The following KCNIP4 variants were observed in gnomAD, a reference collection of about 807,000 sequenced individuals.
The protein encoded by KCNIP4 is Kv channel-interacting protein 4.
KCNIP4 carries 12 observed loss-of-function variants against 34.0 expected under a neutral mutation model. The observed-to-expected ratio is 0.35, with a 90% CI of 0.23 to 0.57. The LOEUF is 0.57. Among genes scored for constraint, KCNIP4 ranks in the 20% least tolerant of loss-of-function variants. The probability of loss-of-function intolerance (pLI) is 0.83; values close to 1 mark genes in which losing one functional copy is unlikely to be tolerated. For missense variants in KCNIP4, 238 were observed against 311.7 expected (o/e 0.76, Z 1.78); for synonymous variants, 124 against 102.2 (o/e 1.21, Z -1.29).
intron 1 of KCNIP4, among the ~76,000 whole-genome samples, chr4:21,900,060 C>T (rs1196290698): frequency 3.3e-5 from 5 of 152,066 alleles, no homozygotes; most frequent in Non-Finnish European, 7.4e-5. Flanking sequence ...CTAGCAGACA[C>T]ATAGACCTAT....
At chr4:21,366,564 G>C (rs970117451) in intron 1 of KCNIP4, among the ~76,000 whole-genome samples, 9 of 152,192 alleles carry the variant, frequency 5.9e-5, no homozygotes, top group East Asian at 1.9e-4. Context: ...ACTTGGGCTA[G>C]CTAGCTCAAG....
intron 1 of KCNIP4, among the ~76,000 whole-genome samples, chr4:21,603,901 T>C (rs1323174866): frequency 6.6e-6 from 1 of 152,164 alleles, no homozygotes; most frequent in African/African-American, 2.4e-5. Flanking sequence ...AAATTTAATC[T>C]AGTAGACTGA....
intron 1 of KCNIP4, among the ~76,000 whole-genome samples, chr4:21,181,330 A>G (rs1461567449): frequency 6.6e-6 from 1 of 152,146 alleles, no homozygotes; most frequent in Non-Finnish European, 1.5e-5. Context: ...GGAAGCTAAA[A>G]AATAGTCATT....
At chr4:20,809,711 T>C (rs1335941608) in intron 3 of KCNIP4, among the ~76,000 whole-genome samples, 3 of 152,210 alleles carry the variant, frequency 2.0e-5, no homozygotes, top group African/African-American at 7.2e-5. Flanking sequence ...GTAATAAACT[T>C]ACTCTCTTGT....
intron 1 of KCNIP4, among the ~76,000 whole-genome samples, chr4:21,587,731 G>T (rs981306376): frequency 4.6e-5 from 7 of 152,060 alleles, no homozygotes; most frequent in African/African-American, 1.7e-4. Context: ...CATTGTGTTT[G>T]CCATGTTCAT....
intron 1 of KCNIP4, among the ~76,000 whole-genome samples, chr4:21,785,571 C>A (rs59570585): frequency 0.12 from 18,261 of 150,300 alleles, 3,359 homozygotes; most frequent in African/African-American, 0.4. Context: ...CAGCCTGGGT[C>A]AAAGAGTGAG....
At chr4:21,470,293 C>T (rs923258557) in intron 1 of KCNIP4, among the ~76,000 whole-genome samples, 5 of 151,296 alleles carry the variant, frequency 3.3e-5, no homozygotes, top group African/African-American at 1.2e-4. Context: ...ATGTTAGGGA[C>T]AAGGCAGAGA....
chr4:21,043,594 C>A (rs1388440188), intron 1 of KCNIP4, among the ~76,000 whole-genome samples: 1 of 152,030 alleles, frequency 6.6e-6, no homozygotes, highest in East Asian at 1.9e-4. Flanking sequence ...CCGCCTTGGC[C>A]TCTCAAAGTG....
intron 1 of KCNIP4, among the ~76,000 whole-genome samples, chr4:21,142,279 T>C (rs577675689): frequency 9.2e-5 from 14 of 152,252 alleles, no homozygotes; most frequent in Admixed American, 3.3e-4. Context: ...TCTGTATTAT[T>C]TGTTCGGTGA....
At chr4:21,035,108 T>G (rs28376442) in intron 1 of KCNIP4, among the ~76,000 whole-genome samples, 1 of 152,162 alleles carries the variant, frequency 6.6e-6, no homozygotes, top group African/African-American at 2.4e-5. Flanking sequence ...CTGGCAGTTG[T>G]GGAAAGATTC....
intron 1 of KCNIP4, among the ~76,000 whole-genome samples, chr4:21,903,304 T>C (rs981516678): frequency 6.6e-6 from 1 of 152,166 alleles, no homozygotes. Flanking sequence ...TTTCTTTGAA[T>C]AGACCAGGAA....
At chr4:21,944,668 T>C (rs1412708779) in intron 1 of KCNIP4, among the ~76,000 whole-genome samples, 1 of 151,992 alleles carries the variant, frequency 6.6e-6, no homozygotes, top group Non-Finnish European at 1.5e-5. Context: ...TGAGCAAATA[T>C]TACAAGTCAG....
chr4:21,736,648 G>A (rs1248166485), intron 1 of KCNIP4, among the ~76,000 whole-genome samples: 2 of 152,124 alleles, frequency 1.3e-5, no homozygotes, highest in African/African-American at 4.8e-5. Context: ...CATAAGTGAA[G>A]ACTCAAGTCA....
At chr4:21,688,321 A>C (rs1229057574) in intron 1 of KCNIP4, among the ~76,000 whole-genome samples, 1 of 152,184 alleles carries the variant, frequency 6.6e-6, no homozygotes, top group Admixed American at 6.5e-5. Flanking sequence ...TCAAATTAGG[A>C]ATGCTGAACC....
chr4:21,511,941 T>C (rs981838522), intron 1 of KCNIP4, among the ~76,000 whole-genome samples: 4 of 150,732 alleles, frequency 2.7e-5, no homozygotes, highest in African/African-American at 7.4e-5. Context: ...CACAGGCTGA[T>C]AGACAGTCGA....
chr4:20,789,986 T>A (rs1464707727), intron 3 of KCNIP4, among the ~76,000 whole-genome samples: 1 of 152,124 alleles, frequency 6.6e-6, no homozygotes, highest in Non-Finnish European at 1.5e-5. Flanking sequence ...GGAGATACTT[T>A]CTGAGAAATA....
chr4:20,754,725 G>C (rs1218097232), intron 4 of KCNIP4, among the ~76,000 whole-genome samples: 2 of 152,120 alleles, frequency 1.3e-5, no homozygotes, highest in African/African-American at 4.8e-5. Context: ...TGGATTTTGT[G>C]ATAGGAATCC....
chr4:21,948,449 T>C, intron 1 of KCNIP4, 122 bp downstream of exon 1: 1 of 1,074,888 alleles, frequency 9.3e-7, no homozygotes. Context: ...GCCAGGTGAC[T>C]GTGTCTCATG....
intron 1 of KCNIP4, among the ~76,000 whole-genome samples, chr4:21,149,727 A>G (rs1752625176): frequency 6.6e-6 from 1 of 152,184 alleles, no homozygotes; most frequent in African/African-American, 2.4e-5. Flanking sequence ...AGGCAAGACT[A>G]AGGAGAGTAT....
Sources: gnomAD v4.1 joint callset for allele counts (sites outside exome capture counted in the v4.1 genomes callset) on GRCh38, gnomAD v4.1.1 for gene constraint, MANE v1.5 for transcripts, NCBI Gene and HGNC (gene_info 2026-07-23, HGNC 2026-07-21) for gene names.